The following DCLK1 variants were observed in gnomAD, a reference collection of about 807,000 sequenced individuals.
The protein encoded by DCLK1 is doublecortin like kinase 1.
Under a neutral mutation model 86.2 loss-of-function variants are expected in DCLK1, and 16 were observed. That is an observed-to-expected ratio of 0.19 (90% CI 0.13 to 0.28). DCLK1 has a LOEUF of 0.28. DCLK1 is among the 10% of genes least tolerant of loss of function. DCLK1 has a pLI of 1.00. For missense variants in DCLK1, 590 were observed against 940.2 expected (o/e 0.63, Z 4.87); for synonymous variants, 369 against 370.5 (o/e 1.00, Z 0.05).
At chr13:35,854,737 C>T in intron 5 of DCLK1, 144 bp from the exon 6 acceptor site, 1 of 554,496 alleles carries the variant, frequency 1.8e-6, no homozygotes, top group Non-Finnish European at 2.8e-6. Flanking sequence ...CACTGAGGAA[C>T]AGCTTTGGGG....
At chr13:35,982,734 C>T (rs1879721144) in intron 3 of DCLK1, among the ~76,000 whole-genome samples, 1 of 152,088 alleles carries the variant, frequency 6.6e-6, no homozygotes, top group Non-Finnish European at 1.5e-5. Flanking sequence ...TAGGAAGGTT[C>T]AAAGTCCATT....
In DCLK1 at chr13:35,953,854, C is replaced by T. The variant is rs9593616; in HGVS notation, c.724-6397G>A. Among the ~76,000 whole-genome samples the T allele has an allele frequency of 9.2e-3, 1,399 of 152,266 alleles. 26 individuals are homozygous for T. Among genetic ancestry groups the T allele is most frequent in the East Asian group, 0.055 (284 of 5,184 alleles). On this transcript the variant is annotated intron_variant, in intron 3 of 16. Coordinates refer to ENST00000360631, the MANE Select transcript of DCLK1 (RefSeq NM_001330071.2). ...TCTTTACAAGAGCGCCCTCTTCAAA[C>T]GAAACAGGGGATATCTCTGCAGCCC...
chr13:36,086,346 T>C (rs1017052641), intron 3 of DCLK1, among the ~76,000 whole-genome samples: 3 of 151,840 alleles, frequency 2.0e-5, no homozygotes, highest in Non-Finnish European at 2.9e-5. Flanking sequence ...TGAACTCAGG[T>C]GTCAGGACAA....
chr13:36,006,710 G>C (rs1188388489), intron 3 of DCLK1, among the ~76,000 whole-genome samples: 1 of 152,152 alleles, frequency 6.6e-6, no homozygotes, highest in South Asian at 2.1e-4. Flanking sequence ...CTTCTATTTG[G>C]GGTGGCCTAG....
intron 4 of DCLK1, among the ~76,000 whole-genome samples, chr13:35,946,797 T>G (rs1001101272): frequency 3.3e-5 from 5 of 152,340 alleles, no homozygotes; most frequent in African/African-American, 1.2e-4. Context: ...AAGACATGTA[T>G]TTCCCTCTTT....
chr13:35,997,744 A>G (rs1418986), intron 3 of DCLK1, among the ~76,000 whole-genome samples: 54,956 of 152,062 alleles, frequency 0.36, 11,060 homozygotes, highest in Non-Finnish European at 0.44. Context: ...CAAAAAACCA[A>G]CCAAACAGCA....
chr13:35,829,275 A>C, intron 8 of DCLK1, among the ~76,000 whole-genome samples: 1 of 152,150 alleles, frequency 6.6e-6, no homozygotes, highest in East Asian at 1.9e-4. Flanking sequence ...GTAGTGACAA[A>C]CACAAGAACA....
chr13:36,012,314 T>C (rs1354332707), intron 3 of DCLK1, among the ~76,000 whole-genome samples: 1 of 151,486 alleles, frequency 6.6e-6, no homozygotes, highest in Non-Finnish European at 1.5e-5. Context: ...TGCAGTTTCT[T>C]CCTAGTCTCG....
rs80311293 is a variant in DCLK1 at position 35,878,805 on chromosome 13, T to G, written c.824-7465A>C. Reference sequence around the variant, plus strand: ...CCATAAAAATTACATTTTTTTTTTTTGAGATAGTCTTGTTCTGTCGCCCAG... The same window carrying G: ...CCATAAAAATTACATTTTTTTTTTTGGAGATAGTCTTGTTCTGTCGCCCAG... On this transcript the variant is annotated intron_variant, in intron 4 of 16. Transcript: ENST00000360631. 1.5e-3 allele frequency among the ~76,000 whole-genome samples: 214 copies of G among 144,780 alleles called. 1 individual carries two copies. The highest frequency in any genetic ancestry group is 5.3e-3 in the African/African-American group (205 of 38,784). 95.0% of individuals were successfully genotyped at this position (144,780 alleles called of 152,430 possible). A position where few individuals can be genotyped will look rare whatever the true frequency, so the allele number is the denominator to read the frequency against.
intron 15 of DCLK1, among the ~76,000 whole-genome samples, chr13:35,795,789 G>A (rs1017404176): frequency 8.6e-5 from 13 of 151,872 alleles, no homozygotes; most frequent in South Asian, 2.1e-4. Flanking sequence ...GCATGGTGGC[G>A]CATGCCTGTA....
At chr13:35,801,549 T>G (rs1481460452) in intron 15 of DCLK1, among the ~76,000 whole-genome samples, 1 of 152,062 alleles carries the variant, frequency 6.6e-6, no homozygotes, top group Non-Finnish European at 1.5e-5. Context: ...ACTTAAATTC[T>G]CTCCCTGCTT....
chr13:35,951,014 T>C (rs931531379), intron 3 of DCLK1, among the ~76,000 whole-genome samples: 1 of 152,040 alleles, frequency 6.6e-6, no homozygotes, highest in African/African-American at 2.4e-5. Flanking sequence ...TTCTGTTTAA[T>C]CCATCCTGTT....
chr13:35,954,002 C>A (rs1472242693), intron 3 of DCLK1, among the ~76,000 whole-genome samples: 1 of 152,080 alleles, frequency 6.6e-6, no homozygotes, highest in Non-Finnish European at 1.5e-5. Flanking sequence ...GAGAATAAAC[C>A]ATCACAGAAG....
Position 35,828,325 on chromosome 13 carries a change from A to G in DCLK1, c.1230-18T>C, listed in dbSNP as rs566128794. 1 of 1,596,752 alleles carries G rather than the reference A, an allele frequency of 6.3e-7. No individual in the cohort carries two copies. Among genetic ancestry groups the G allele is most frequent in the African/African-American group, 1.3e-5 (1 of 74,876 alleles). Reference sequence around the variant, plus strand: ...CAGTCGATCTGCGAAGAGAAAGTTCATGTTTTTAAAATGAAACTTAACTTC... The same window carrying G: ...CAGTCGATCTGCGAAGAGAAAGTTCGTGTTTTTAAAATGAAACTTAACTTC... On this transcript the variant is annotated intron_variant, in intron 8 of 16. Transcript: ENST00000360631.
chr13:36,018,191 T>C (rs746499214), intron 3 of DCLK1, among the ~76,000 whole-genome samples: 3 of 152,242 alleles, frequency 2.0e-5, no homozygotes, highest in African/African-American at 7.2e-5. Flanking sequence ...CACATTATGA[T>C]TGTAAAATTG....
Position 35,828,280 on chromosome 13 carries a change from T to C in DCLK1, c.1257A>G (p.Lys419=). The C allele has an allele frequency of 6.2e-7, 1 of 1,610,740 alleles. No homozygotes were observed. Among genetic ancestry groups the C allele is most frequent in the Non-Finnish European group, 8.5e-7 (1 of 1,179,562 alleles). The part of the protein sequence containing the change: ...ERSTAREYAL[K]IIKKSKCRGK... Reference sequence around the variant, plus strand: ...CTCGACATTTGCTTTTCTTGATAATTTTCAGAGCATACTCTCTAGCAGTCG... The same window carrying C: ...CTCGACATTTGCTTTTCTTGATAATCTTCAGAGCATACTCTCTAGCAGTCG... Residue 419 remains lysine (K), a synonymous_variant, in exon 9 of 17, where the codon AAA becomes AAG. Transcript: ENST00000360631.
chr13:36,116,925 C>T (rs1885811786), intron 2 of DCLK1, among the ~76,000 whole-genome samples: 3 of 152,164 alleles, frequency 2.0e-5, no homozygotes, highest in South Asian at 2.1e-4. Flanking sequence ...AACTCAGATA[C>T]GCACAGCAAC....
intron 4 of DCLK1, among the ~76,000 whole-genome samples, chr13:35,901,850 A>AT (rs1054280081): frequency 2.6e-5 from 4 of 152,124 alleles, no homozygotes; most frequent in African/African-American, 9.7e-5. Context: ...GGAATTGGGG[A>AT]ATGGCATGAT....
chr13:35,855,015 T>C (rs554846728), intron 5 of DCLK1, among the ~76,000 whole-genome samples: 1 of 152,356 alleles, frequency 6.6e-6, no homozygotes, highest in Admixed American at 6.5e-5. Flanking sequence ...AGTGACCTGA[T>C]AAATAGATCA....
Sources: allele counts gnomAD v4.1 joint callset (sites outside exome capture counted in the v4.1 genomes callset), GRCh38; gene constraint gnomAD v4.1.1; transcripts MANE v1.5; gene names NCBI Gene and HGNC (gene_info 2026-07-23, HGNC 2026-07-21).